The following PFAS variants were observed in gnomAD, a reference collection of about 807,000 sequenced individuals.
PFAS encodes the protein phosphoribosylformylglycinamidine synthase, also known as FGAM synthase.
In PFAS, 97 loss-of-function variants were observed where a neutral mutation model predicts 140.6. The observed-to-expected ratio is 0.69, with a 90% CI of 0.59 to 0.82. The LOEUF is 0.82. Among genes scored for constraint, PFAS ranks in the 40% least tolerant of loss-of-function variants. PFAS has a pLI of 0.00. For synonymous variants in PFAS, 679 were observed against 718.8 expected (o/e 0.94, Z 0.88); for missense variants, 1,656 against 1,780.2 (o/e 0.93, Z 1.26).
Position 8,270,318 on chromosome 17 carries a change from A to G in PFAS, c.*1054A>G, listed in dbSNP as rs1394046321. The G allele has an allele frequency of 6.6e-6, 1 of 152,222 alleles. No homozygotes were observed. Among genetic ancestry groups the G allele is most frequent in the Non-Finnish European group, 1.5e-5 (1 of 68,050 alleles). 9.4% of individuals were successfully genotyped at this position (152,222 alleles called of 1,614,324 possible). On this transcript the variant is annotated 3_prime_UTR_variant, in exon 28 of 28. Coordinates refer to ENST00000314666, the MANE Select transcript of PFAS (RefSeq NM_012393.3). ...ATTGCAAAGCACTGTCACCGGCCTC[A>G]GGGAGTTTATGTGTAATAGAATTAA...
intron 3 of PFAS, among the ~76,000 whole-genome samples, chr17:8,254,780 G>A (rs1182840117): frequency 6.6e-6 from 1 of 152,174 alleles, no homozygotes; most frequent in East Asian, 1.9e-4. Flanking sequence ...CTCTAGCCTG[G>A]GCAACAGAGC....
chr17:8,263,196 A>T lies in PFAS; in HGVS notation c.1498A>T (p.Arg500Trp). 3 of 1,614,128 alleles carry T rather than the reference A, an allele frequency of 1.9e-6. No individual in the cohort carries two copies. Among genetic ancestry groups the T allele is most frequent in the Non-Finnish European group, 2.5e-6 (3 of 1,179,970 alleles). The change falls in exon 13 of 28, where the codon AGG (arginine) becomes TGG (tryptophan). Residue 500 changes from arginine to tryptophan, a missense_variant. By Grantham distance (101) the Arg-to-Trp change is moderately radical. Transcript: ENST00000314666. Reference protein sequence around the residue: ...EMEQKMNRVIRACVEAPKGNP... With the variant: ...EMEQKMNRVIWACVEAPKGNP... Reference sequence around the variant, plus strand: ...GGAACAGAAGATGAACCGTGTGATCAGGGCTTGTGTGGAGGCCCCCAAGGG... The same window carrying T: ...GGAACAGAAGATGAACCGTGTGATCTGGGCTTGTGTGGAGGCCCCCAAGGG...
chr17:8,267,109 C>T lies in PFAS; in HGVS notation c.3049C>T (p.Gln1017Ter), dbSNP rs752139987. 3.7e-6 allele frequency: 6 copies of T among 1,613,682 alleles called. No individual in the cohort carries two copies. The highest frequency in any genetic ancestry group is 5.1e-6 in the Non-Finnish European group (6 of 1,179,888). The change falls in exon 24 of 28, where the codon CAG becomes TAG. Residue 1017 changes from glutamine (Q) to a stop codon, truncating the protein, a stop_gained. Transcript: ENST00000314666. LOFTEE classifies it high-confidence loss of function. This position sits in a 1 kb window ranked among gnomAD's most constrained non-coding sequence, Gnocchi z 4.9. ...AGCCCTCTGGGAGGAGACGAGTTTC[C>T]AGCTGGACCGGCTACAGGCAGAGCC... Reference protein sequence around the residue: ...LRALWEETSFQLDRLQAEPRC... With the variant: ...LRALWEETSF
At position 8,256,622 on chromosome 17, in the gene PFAS, C is replaced by G; in HGVS notation, c.920C>G (p.Thr307Arg). 6.2e-7 allele frequency: 1 copy of G among 1,614,174 alleles called. No homozygotes were observed. The highest frequency in any genetic ancestry group is 8.5e-7 in the Non-Finnish European group (1 of 1,180,024). Residue 307 changes from threonine (T) to arginine (R), a missense_variant, in exon 8 of 28, where the codon ACA becomes AGA. This residue lies in a region of PFAS where 773 missense variants were observed against 757.3 expected (regional missense o/e 1.02). Coordinates refer to ENST00000314666, the MANE Select transcript of PFAS (RefSeq NM_012393.3). ...CAAGGGCTGAGACATGTTGTCTTCA[C>G]AGCAGAGACTCACAACTTTCCCACA... is the stretch of plus-strand genomic sequence containing the variant. ...QQQGLRHVVF[T>R]AETHNFPTGV... is the part of the protein sequence containing the mutation.
In PFAS at chr17:8,255,835, T is replaced by C; in HGVS notation, c.605T>C (p.Phe202Ser). 1 of 1,614,100 alleles carries C rather than the reference T, an allele frequency of 6.2e-7. No individual in the cohort carries two copies. ...GLALDSWDLDFYTKRFQELQR... is the reference protein window; with the variant it reads ...GLALDSWDLDSYTKRFQELQR... The stretch of plus-strand genomic sequence containing the variant: ...GCTTTAGACTCTTGGGACCTAGACT[T>C]CTACACCAAGCGCTTCCAGGAGCTA... The change falls in exon 6 of 28, where the codon TTC becomes TCC. Residue 202 changes from phenylalanine to serine, a missense_variant. By Grantham distance (155) the Phe-to-Ser change is radical (BLOSUM62 -2). Transcript: ENST00000314666.
intron 1 of PFAS, among the ~76,000 whole-genome samples, chr17:8,251,145 T>G (rs1989134187): frequency 6.6e-6 from 1 of 152,008 alleles, no homozygotes; most frequent in South Asian, 2.1e-4. Flanking sequence ...AATTAGCTGG[T>G]CATGGTGGTG....
chr17:8,254,149 G>A lies in PFAS; in HGVS notation c.143-17G>A. 2 of 1,614,078 alleles carry A rather than the reference G, an allele frequency of 1.2e-6. No homozygotes were observed. The highest frequency in any genetic ancestry group is 1.1e-5 in the South Asian group (1 of 91,076). On this transcript the variant is annotated splice_polypyrimidine_tract_variant and intron_variant, in intron 2 of 27. Transcript: ENST00000314666. Reference sequence around the variant, plus strand: ...GGGGGCAGTGTCTCAAGGTGTCCTTGCCCTGTCTCCCTGCAGCTGAGGCCC... The same window carrying A: ...GGGGGCAGTGTCTCAAGGTGTCCTTACCCTGTCTCCCTGCAGCTGAGGCCC...
chr17:8,267,196 C>T lies in PFAS; in HGVS notation c.3136C>T (p.Pro1046Ser), dbSNP rs753450953. 1.9e-6 allele frequency: 3 copies of T among 1,605,438 alleles called. No homozygotes were observed. The highest frequency in any genetic ancestry group is 2.5e-6 in the Non-Finnish European group (3 of 1,176,646). ...GCGGATGGGGCCCAGCTATTGCCTG[C>T]CCCCCACCTTTCCCAAAGCCTCCGT... ...RERMGPSYCL[P>S]PTFPKASVPR... Residue 1046 changes from proline to serine, a missense_variant, in exon 24 of 28, where the codon CCC (proline) becomes TCC (serine). By Grantham distance (74) the Pro-to-Ser change is moderately conservative. Transcript: ENST00000314666. The surrounding 1 kb of genome is among the most constrained non-coding windows in gnomAD (Gnocchi z 4.9).
At chr17:8,265,232 C>T in intron 18 of PFAS, 56 bp from the exon 19 acceptor site, 4 of 1,587,746 alleles carry the variant, frequency 2.5e-6, no homozygotes, top group Non-Finnish European at 3.4e-6. Flanking sequence ...CCGCCTGCAC[C>T]CCTGGCCTCT....
chr17:8,269,671 A>T lies in PFAS; in HGVS notation c.*407A>T. 1 of 186,230 alleles carries T rather than the reference A, an allele frequency of 5.4e-6. No individual in the cohort carries two copies. The highest frequency in any genetic ancestry group is 1.1e-5 in the Non-Finnish European group (1 of 88,036). The allele number at this position is 186,230 out of a possible 1,614,324, so 11.5% of individuals were successfully genotyped here. A position where few individuals can be genotyped will look rare whatever the true frequency, so the allele number is the denominator to read the frequency against. ...TCTCATCATTGGGGTTAGCGGGTGC[A>T]GACAAATTCAGCAATAGTATGCAGA... On this transcript the variant is annotated 3_prime_UTR_variant, in exon 28 of 28. Transcript: ENST00000314666.
rs1361067561 is a variant in PFAS at position 8,269,272 on chromosome 17, C to T, written c.*8C>T. On this transcript the variant is annotated 3_prime_UTR_variant, in exon 28 of 28. Transcript: ENST00000314666. The stretch of plus-strand genomic sequence containing the variant: ...CTGGAAGGGAGCTGCTGACTGGCCA[C>T]AGGGGCTCACCTGGGCCCCATGGCT... The T allele has an allele frequency of 1.3e-6, 2 of 1,592,254 alleles. No individual in the cohort carries two copies. Among genetic ancestry groups the T allele is most frequent in the East Asian group, 2.2e-5 (1 of 44,550 alleles).
Position 8,269,448 on chromosome 17 carries a change from C to G in PFAS, c.*184C>G. 1.7e-6 allele frequency: 1 copy of G among 582,278 alleles called. No individual in the cohort carries two copies. Among genetic ancestry groups the G allele is most frequent in the Non-Finnish European group, 3.1e-6 (1 of 326,876 alleles). The allele number at this position is 582,278 out of a possible 1,614,324, so 36.1% of individuals were successfully genotyped here. A position where few individuals can be genotyped will look rare whatever the true frequency, so the allele number is the denominator to read the frequency against. ...GCTGATGTTCCTTCTGTGGCTGTGT[C>G]TATTTTCAGTTCTGCTCTAACATGG... On this transcript the variant is annotated 3_prime_UTR_variant, in exon 28 of 28. Transcript: ENST00000314666.
chr17:8,264,279 C>T lies in PFAS; in HGVS notation c.1859C>T (p.Pro620Leu). 6.2e-7 allele frequency: 1 copy of T among 1,613,940 alleles called. No homozygotes were observed. Among genetic ancestry groups the T allele is most frequent in the Non-Finnish European group, 8.5e-7 (1 of 1,179,894 alleles). The change falls in exon 16 of 28, where the codon CCC becomes CTC. Residue 620 changes from proline (P) to leucine (L), a missense_variant. Coordinates refer to ENST00000314666, the MANE Select transcript of PFAS (RefSeq NM_012393.3). Reference protein sequence around the residue: ...RNGQGDAPPTPLPTPVDLELE... With the variant: ...RNGQGDAPPTLLPTPVDLELE... ...GGCCAGGGGGATGCCCCCCCGACAC[C>T]CCTGCCAACCCCTGTGGACCTGGAG...
At chr17:8,264,824 T>C (rs762002836) in intron 17 of PFAS, 71 bp from the exon 18 acceptor site, 14 of 1,165,872 alleles carry the variant, frequency 1.2e-5, no homozygotes, top group Non-Finnish European at 1.7e-5. Context: ...CCTGAGTGCC[T>C]TGGGGGCATG....
Position 8,256,951 on chromosome 17 carries a change from C to T in PFAS, c.1063C>T (p.Leu355=). The T allele has an allele frequency of 3.7e-6, 6 of 1,614,200 alleles. No individual in the cohort carries two copies. Among genetic ancestry groups the T allele is most frequent in the Non-Finnish European group, 5.1e-6 (6 of 1,180,026 alleles). ...AGTAGYCFGN[L]HIPGYNLPWE... ...CACTGCCGGCTATTGCTTTGGAAAT[C>T]TGCATATTCCAGGTTCCATCTCCTT... Residue 355 remains leucine, a synonymous_variant, in exon 9 of 28, where the codon CTG becomes TTG. Coordinates refer to ENST00000314666, the MANE Select transcript of PFAS (RefSeq NM_012393.3).
At chr17:8,263,730 A>C in intron 14 of PFAS, 45 bp from the exon 15 acceptor site, 1 of 1,607,450 alleles carries the variant, frequency 6.2e-7, no homozygotes. Context: ...GAGACGTGGG[A>C]GTGCCCACTG....
chr17:8,266,993 C>A lies in PFAS; in HGVS notation c.2968-35C>A. On this transcript the variant is annotated intron_variant, in intron 23 of 27. Coordinates refer to ENST00000314666, the MANE Select transcript of PFAS (RefSeq NM_012393.3). This position sits in a 1 kb window ranked among gnomAD's most constrained non-coding sequence, Gnocchi z 5.0. ...CCCACTGTGGAGGGGGCCATCCTTT[C>A]TCCTAGCCCGTGGGAGATTTGTTCC... 1 of 1,611,170 alleles carries A rather than the reference C, an allele frequency of 6.2e-7. No individual in the cohort carries two copies. The highest frequency in any genetic ancestry group is 8.5e-7 in the Non-Finnish European group (1 of 1,179,284).
Position 8,266,727 on chromosome 17 carries a change from C to T in PFAS, c.2822-26C>T, listed in dbSNP as rs372417726. 265 of 1,578,940 alleles carry T rather than the reference C, an allele frequency of 1.7e-4. No individual in the cohort carries two copies. The highest frequency in any genetic ancestry group is 1.4e-3 in the African/African-American group (104 of 74,204). ...ACTCCCTTGGCCCTTCTTGCATCCC[C>T]CTGACTCCCCACATTGCTCTCCCAG... On this transcript the variant is annotated intron_variant, in intron 22 of 27. Coordinates refer to ENST00000314666, the MANE Select transcript of PFAS (RefSeq NM_012393.3). The surrounding 1 kb of genome is among the most constrained non-coding windows in gnomAD (Gnocchi z 5.0).
chr17:8,247,982 G>A (rs752165565), upstream of PFAS: 4 of 1,603,522 alleles, frequency 2.5e-6, no homozygotes, highest in African/African-American at 4.0e-5. Flanking sequence ...AAAGGAACAA[G>A]AGACGTAATA....
Sources: gnomAD v4.1 joint callset for allele counts (sites outside exome capture counted in the v4.1 genomes callset) on GRCh38, gnomAD v4.1.1 for gene constraint, gnomAD v4.1.1 regional missense constraint, Gnocchi (gnomAD v3.1) non-coding constraint, MANE v1.5 for transcripts, NCBI Gene and HGNC (gene_info 2026-07-23, HGNC 2026-07-21) for gene names.